The following PPA2 variants were observed in gnomAD, a reference collection of about 807,000 sequenced individuals.
PPA2 encodes the protein inorganic pyrophosphatase 2, mitochondrial.
Under a neutral mutation model 49.5 loss-of-function variants are expected in PPA2, and 48 were observed. The observed-to-expected ratio is 0.97, with a 90% CI of 0.77 to 1.23. PPA2 has a LOEUF of 1.23. PPA2 is among the 50% of genes most tolerant of loss of function. The pLI is 0.00. For synonymous variants in PPA2, 131 were observed against 139.9 expected (o/e 0.94, Z 0.45); for missense variants, 429 against 410.1 (o/e 1.05, Z -0.40).
chr4:105,452,941 T>C (rs1722731248), intron 3 of PPA2, among the ~76,000 whole-genome samples: 1 of 151,842 alleles, frequency 6.6e-6, no homozygotes, highest in Admixed American at 6.6e-5. Flanking sequence ...AATATATTCA[T>C]TTTAGCATAC....
At chr4:105,433,449 G>A (rs955268539) in intron 6 of PPA2, among the ~76,000 whole-genome samples, 3 of 152,100 alleles carry the variant, frequency 2.0e-5, no homozygotes, top group Non-Finnish European at 4.4e-5. Context: ...TTACAGAAAC[G>A]ATGGCTCTGG....
At chr4:105,402,895 A>G (rs1378725356) in intron 7 of PPA2, among the ~76,000 whole-genome samples, 1 of 152,190 alleles carries the variant, frequency 6.6e-6, no homozygotes, top group East Asian at 1.9e-4. Context: ...CAGAGGAATT[A>G]CCAATGGAAA....
chr4:105,440,730 A>G (rs1187414320), intron 5 of PPA2, among the ~76,000 whole-genome samples: 2 of 152,156 alleles, frequency 1.3e-5, no homozygotes, highest in African/African-American at 4.8e-5. Context: ...CACAGAGACA[A>G]AGACTGTCTT....
intron 2 of PPA2, among the ~76,000 whole-genome samples, chr4:105,454,296 CTGCTGCTGTTGTTGTTGTTGT>C (rs1722788330): frequency 8.7e-6 from 1 of 115,580 alleles, no homozygotes; most frequent in African/African-American, 3.7e-5. Context: ...TTTGTTTTTG[CTGCTGCTGTTGTTGTTGTTGT>C]TGTTGTTGTT....
At chr4:105,445,181 A>C (rs1302002618) in intron 5 of PPA2, among the ~76,000 whole-genome samples, 1 of 152,204 alleles carries the variant, frequency 6.6e-6, no homozygotes, top group Non-Finnish European at 1.5e-5. Context: ...TTTATTCTCT[A>C]GCTCCTCTAC....
intron 3 of PPA2, 100 bp from the exon 4 acceptor site, chr4:105,449,503 C>CA (rs1219719942): frequency 1.7e-4 from 111 of 671,836 alleles, no homozygotes; most frequent in Middle Eastern, 5.2e-4. Flanking sequence ...TTTCCCCCGA[C>CA]AAAAAAAATG....
chr4:105,472,115 C>T (rs1195334711), intron 1 of PPA2, among the ~76,000 whole-genome samples: 1 of 152,196 alleles, frequency 6.6e-6, no homozygotes. Context: ...TCAGGGAATA[C>T]CAGTGCTGAG....
intron 10 of PPA2, among the ~76,000 whole-genome samples, chr4:105,374,866 T>TA (rs1437802345): frequency 2.0e-5 from 3 of 151,230 alleles, no homozygotes; most frequent in Non-Finnish European, 4.4e-5. Context: ...TTCTTTTTTT[T>TA]TTTTTTTTAG....
At chr4:105,455,269 T>C (rs1056215396) in intron 2 of PPA2, among the ~76,000 whole-genome samples, 2 of 152,172 alleles carry the variant, frequency 1.3e-5, no homozygotes, top group Non-Finnish European at 2.9e-5. Flanking sequence ...ATATTTAGGT[T>C]TGAAAGTTCA....
chr4:105,373,707 C>T (rs1341119925), intron 10 of PPA2, among the ~76,000 whole-genome samples: 1 of 151,448 alleles, frequency 6.6e-6, no homozygotes, highest in Admixed American at 6.6e-5. Flanking sequence ...TCTTAAAATA[C>T]ATTTCTCAAT....
rs182269681 is a variant in PPA2, at chr4:105,473,538, G to A, written c.157+356C>T. ...TTCCTCACTGAGTTGTGTGAACCGG[G>A]AACGGCGGCCGGGCCGGCTAATGGC... On this transcript the variant is annotated intron_variant, in intron 1 of 11. Coordinates refer to ENST00000341695, the MANE Select transcript of PPA2 (RefSeq NM_176869.3). 2,919 of 513,108 alleles carry A rather than the reference G, an allele frequency of 5.7e-3. 22 individuals are homozygous for A. The highest frequency in any genetic ancestry group is 0.033 in the Middle Eastern group (105 of 3,188). The allele number at this position is 513,108 out of a possible 1,614,324, so 31.8% of individuals were successfully genotyped here. A position where few individuals can be genotyped will look rare whatever the true frequency, so the allele number is the denominator to read the frequency against.
At chr4:105,426,985 C>G (rs985389602) in intron 6 of PPA2, among the ~76,000 whole-genome samples, 1 of 152,146 alleles carries the variant, frequency 6.6e-6, no homozygotes, top group Non-Finnish European at 1.5e-5. Flanking sequence ...GATAGGTGCC[C>G]CCTCTGGGAC....
chr4:105,449,452 T>C lies in PPA2; in HGVS notation c.268-49A>G, dbSNP rs374577349. On this transcript the variant is annotated intron_variant, in intron 3 of 11. Transcript: ENST00000341695. ...AGAGAACATTAAAAATTTTACCTTTTATTTTTTCCGTTACCTCCCTTATAA... is the reference window on the plus strand; with the variant it reads ...AGAGAACATTAAAAATTTTACCTTTCATTTTTTCCGTTACCTCCCTTATAA... 37 of 1,261,742 alleles carry C rather than the reference T, an allele frequency of 2.9e-5. No homozygotes were observed. In the African/African-American group the frequency reaches 3.9e-4, roughly 13 times the overall value. 78.2% of individuals were successfully genotyped at this position (1,261,742 alleles called of 1,614,324 possible).
intron 1 of PPA2, among the ~76,000 whole-genome samples, chr4:105,468,333 A>G (rs1723391730): frequency 1.3e-5 from 2 of 152,204 alleles, no homozygotes; most frequent in Admixed American, 6.5e-5. Context: ...GAAATATGAC[A>G]AAGGTTCAGC....
chr4:105,470,364 T>C (rs943109644), intron 1 of PPA2, among the ~76,000 whole-genome samples: 1 of 152,188 alleles, frequency 6.6e-6, no homozygotes, highest in Non-Finnish European at 1.5e-5. Context: ...TGCATGCCTG[T>C]AGTCCCAGCT....
At chr4:105,383,208 T>C (rs926363480) in intron 10 of PPA2, among the ~76,000 whole-genome samples, 2 of 152,176 alleles carry the variant, frequency 1.3e-5, no homozygotes, top group African/African-American at 4.8e-5. Context: ...CATCTATATT[T>C]GTAAACAAAG....
intron 7 of PPA2, among the ~76,000 whole-genome samples, chr4:105,401,271 A>C (rs1722174599): frequency 1.3e-5 from 2 of 152,186 alleles, no homozygotes; most frequent in Admixed American, 1.3e-4. Flanking sequence ...AAGGCTTGCC[A>C]AAATCTATCC....
chr4:105,430,951 T>C (rs1474616479), intron 6 of PPA2, among the ~76,000 whole-genome samples: 4 of 152,140 alleles, frequency 2.6e-5, no homozygotes, highest in Non-Finnish European at 5.9e-5. Context: ...TCACAACGGT[T>C]AAATAATTTT....
At chr4:105,386,022 A>G (rs1462504203) in intron 10 of PPA2, among the ~76,000 whole-genome samples, 1 of 151,912 alleles carries the variant, frequency 6.6e-6, no homozygotes, top group Admixed American at 6.6e-5. Flanking sequence ...TGGGATTACA[A>G]GCATGCACCA....
Sources: allele counts gnomAD v4.1 joint callset (sites outside exome capture counted in the v4.1 genomes callset), GRCh38; gene constraint gnomAD v4.1.1; transcripts MANE v1.5; gene names NCBI Gene and HGNC (gene_info 2026-07-23, HGNC 2026-07-21).